The following RBM20 variants were observed in gnomAD, a reference collection of about 807,000 sequenced individuals.
RBM20 encodes RNA binding motif protein 20.
A neutral mutation model predicts 110.1 loss-of-function variants in RBM20; 51 were observed. The ratio of observed to expected loss-of-function variants is 0.46; its 90% CI spans 0.37 to 0.59. The LOEUF (loss-of-function observed/expected upper bound fraction) is 0.59. Among genes scored for constraint, RBM20 ranks in the 20% least tolerant of loss-of-function variants. The pLI, the probability that RBM20 is intolerant of heterozygous loss-of-function variation, is 0.00. For synonymous variants in RBM20, 589 were observed against 618.2 expected, an observed-to-expected ratio of 0.95 and a Z score of 0.70; for missense variants, 1,512 against 1,574.9, an observed-to-expected ratio of 0.96 and a Z score of 0.68.
chr10:110,780,453 G>A (rs1226456220), intron 1 of RBM20, among the ~76,000 whole-genome samples: 1 of 152,154 alleles, frequency 6.6e-6, no homozygotes, highest in African/African-American at 2.4e-5. Flanking sequence ...AAAGCTGTAT[G>A]CGTTGATTAT....
At chr10:110,653,048 C>T (rs775979997) in intron 1 of RBM20, among the ~76,000 whole-genome samples, 1 of 152,210 alleles carries the variant, frequency 6.6e-6, no homozygotes, top group Non-Finnish European at 1.5e-5. Flanking sequence ...TTCAAGGTTA[C>T]TCTTTTTCCC....
chr10:110,826,442 G>A (rs1054434829), intron 12 of RBM20, among the ~76,000 whole-genome samples: 2 of 152,106 alleles, frequency 1.3e-5, no homozygotes, highest in Admixed American at 6.6e-5. Flanking sequence ...TCTCCTTTCT[G>A]TCACTAAATA....
chr10:110,830,907 C>T (rs1845042522), intron 12 of RBM20, among the ~76,000 whole-genome samples, 154 bp from the exon 13 acceptor site: 1 of 152,128 alleles, frequency 6.6e-6, no homozygotes, highest in East Asian at 1.9e-4. Context: ...AGTGAGGAAA[C>T]TGAGGCTTGG....
At chr10:110,726,716 T>A (rs1241713261) in intron 1 of RBM20, among the ~76,000 whole-genome samples, 1 of 142,768 alleles carries the variant, frequency 7.0e-6, no homozygotes, top group Non-Finnish European at 1.5e-5. Flanking sequence ...CACATTCAGG[T>A]GTTAGAAAGT....
At chr10:110,707,367 A>G (rs1333419747) in intron 1 of RBM20, among the ~76,000 whole-genome samples, 1 of 150,452 alleles carries the variant, frequency 6.6e-6, no homozygotes, top group African/African-American at 2.4e-5. Context: ...TAGCCAATTC[A>G]TTTCAACTGG....
intron 3 of RBM20, among the ~76,000 whole-genome samples, chr10:110,783,804 C>G (rs1470670841): frequency 4.6e-5 from 7 of 152,200 alleles, no homozygotes; most frequent in Non-Finnish European, 1.5e-5. Flanking sequence ...GCATTTAGCA[C>G]ATTCACGACA....
chr10:110,783,249 G>C (rs1439735058), intron 2 of RBM20, 117 bp from the exon 3 acceptor site: 1 of 707,886 alleles, frequency 1.4e-6, no homozygotes, highest in Non-Finnish European at 2.6e-6. Flanking sequence ...TGTCTGCAGG[G>C]GTGGTCCAGC....
At chr10:110,808,472 C>T (rs1030759344) in intron 7 of RBM20, among the ~76,000 whole-genome samples, 4 of 152,122 alleles carry the variant, frequency 2.6e-5, no homozygotes, top group Admixed American at 6.5e-5. Flanking sequence ...ACATAAGGGA[C>T]CATTTGCCAA....
intron 1 of RBM20, among the ~76,000 whole-genome samples, chr10:110,650,214 A>G (rs1031147460): frequency 6.6e-6 from 1 of 152,220 alleles, no homozygotes; most frequent in Non-Finnish European, 1.5e-5. Context: ...ATATCCATTT[A>G]ATATGATAAA....
At chr10:110,691,438 C>G (rs902824960) in intron 1 of RBM20, among the ~76,000 whole-genome samples, 1 of 152,166 alleles carries the variant, frequency 6.6e-6, no homozygotes, top group Non-Finnish European at 1.5e-5. Context: ...CTCAAACACA[C>G]TTGTTATTTT....
chr10:110,660,912 T>C (rs554042848), intron 1 of RBM20, among the ~76,000 whole-genome samples: 4 of 152,174 alleles, frequency 2.6e-5, no homozygotes, highest in African/African-American at 9.6e-5. Flanking sequence ...GCCGAAAAGG[T>C]TGGGGACCGC....
chr10:110,804,224 G>A (rs144922511), intron 7 of RBM20, among the ~76,000 whole-genome samples: 1 of 152,210 alleles, frequency 6.6e-6, no homozygotes, highest in Non-Finnish European at 1.5e-5. Flanking sequence ...GCTGTGATTG[G>A]CTGGACCTGT....
intron 1 of RBM20, among the ~76,000 whole-genome samples, chr10:110,766,975 C>A (rs1355200079): frequency 6.7e-6 from 1 of 148,302 alleles, no homozygotes; most frequent in Non-Finnish European, 1.5e-5. Flanking sequence ...ACCTCCCTCC[C>A]GGACGGGGCG....
rs1017117887 is a variant in RBM20, at chr10:110,820,021, C to T, written c.2551-51C>T. On this transcript the variant is annotated intron_variant, in intron 9 of 13. Transcript: ENST00000369519. ...TCAATATCATTCTTTTTTTCTTCTCCCTGTCACTGCTCACTGTTGATTTGG... is the reference window on the plus strand; with the variant it reads ...TCAATATCATTCTTTTTTTCTTCTCTCTGTCACTGCTCACTGTTGATTTGG... 9.3e-6 allele frequency: 11 copies of T among 1,183,590 alleles called. No individual in the cohort carries two copies. In the African/African-American group the frequency reaches 1.1e-4, roughly 12 times the overall value. 73.3% of individuals were successfully genotyped at this position (1,183,590 alleles called of 1,614,324 possible).
At position 110,821,752 on chromosome 10, in the gene RBM20, C is replaced by G. The variant is rs753634207; in HGVS notation, c.3133C>G (p.Gln1045Glu). 1 of 1,551,670 alleles carries G rather than the reference C, an allele frequency of 6.4e-7. No individual in the cohort carries two copies. The highest frequency in any genetic ancestry group is 8.7e-7 in the Non-Finnish European group (1 of 1,147,026). ...TGTTCATCCAGCCCCTACAGTCCAG[C>G]AAATGTCTTCCCCTAAGCCAGCAGA... ...SDVHPAPTVQ[Q>E]MSSPKPAEER... Residue 1045 changes from glutamine to glutamate, a missense_variant, in exon 11 of 14, where the codon CAA (glutamine) becomes GAA (glutamate). Physicochemically the swap from Gln to Glu is conservative, Grantham distance 29. Around this residue, in one of 3 missense-constraint regions of RBM20, gnomAD observed 358 missense variants for 384.2 expected, o/e 0.93. Transcript: ENST00000369519.
intron 6 of RBM20, among the ~76,000 whole-genome samples, 168 bp downstream of exon 6, chr10:110,797,816 C>G (rs941508313): frequency 4.6e-5 from 7 of 152,080 alleles, no homozygotes; most frequent in African/African-American, 1.7e-4. Flanking sequence ...TTTTTTGTTT[C>G]CCCTAGTTTC....
At chr10:110,679,648 G>A (rs927492542) in intron 1 of RBM20, among the ~76,000 whole-genome samples, 7 of 152,338 alleles carry the variant, frequency 4.6e-5, no homozygotes, top group Middle Eastern at 3.4e-3. Context: ...AAAATCAGGT[G>A]TGACTTTATG....
intron 1 of RBM20, among the ~76,000 whole-genome samples, chr10:110,697,901 CTTTTTTTTTTTCTT>C (rs1464346925): frequency 7.8e-6 from 1 of 127,534 alleles, no homozygotes. Flanking sequence ...GGCCTTGTTT[CTTTTTTTTTTTCTT>C]TTTTTTTTTT....
At chr10:110,678,334 G>A (rs777171959) in intron 1 of RBM20, among the ~76,000 whole-genome samples, 1 of 152,206 alleles carries the variant, frequency 6.6e-6, no homozygotes, top group Non-Finnish European at 1.5e-5. Flanking sequence ...CTATGAGGGT[G>A]TCACTAAATG....
Sources: gnomAD v4.1 joint callset for allele counts (sites outside exome capture counted in the v4.1 genomes callset) on GRCh38, gnomAD v4.1.1 for gene constraint, gnomAD v4.1.1 regional missense constraint, MANE v1.5 for transcripts, NCBI Gene and HGNC (gene_info 2026-07-23, HGNC 2026-07-21) for gene names.